DLGAP5: variants seen among roughly 807,000 people sequenced by gnomAD.
DLGAP5 encodes the protein DLG associated protein 5.
In DLGAP5, 90 loss-of-function variants were observed where a neutral mutation model predicts 99.6. The ratio of observed to expected loss-of-function variants is 0.90; its 90% CI spans 0.76 to 1.08. DLGAP5 has a LOEUF of 1.08. Ranked by LOEUF, DLGAP5 falls within the 50% of genes least tolerant of loss-of-function variation. The pLI is 0.00. For synonymous variants in DLGAP5, 311 were observed against 321.3 expected (o/e 0.97, Z 0.34); for missense variants, 1,036 against 983.5 (o/e 1.05, Z -0.71).
chr14:55,182,280 T>G, intron 4 of DLGAP5, 90 bp downstream of exon 4: 1 of 1,115,958 alleles, frequency 9.0e-7, no homozygotes, highest in Non-Finnish European at 1.3e-6. Context: ...AATCATTATG[T>G]TTGAATCTGA....
At chr14:55,176,730 G>A (rs962556460) in intron 8 of DLGAP5, among the ~76,000 whole-genome samples, 8 of 152,124 alleles carry the variant, frequency 5.3e-5, no homozygotes, top group East Asian at 3.9e-4. Flanking sequence ...TGTAATCCCA[G>A]CACTTTGGGA....
At chr14:55,150,227 AT>A (rs1881969517) in intron 18 of DLGAP5, 1 of 152,228 alleles carries the variant, frequency 6.6e-6, no homozygotes, top group Non-Finnish European at 1.5e-5. Flanking sequence ...CTTAAGTTAT[AT>A]TTTTGGAATG....
chr14:55,160,581 G>A (rs1472197531), intron 13 of DLGAP5, among the ~76,000 whole-genome samples: 4 of 151,774 alleles, frequency 2.6e-5, no homozygotes, highest in South Asian at 4.2e-4. Flanking sequence ...CTGAGTAGCT[G>A]GGATTACAGG....
chr14:55,154,934 G>A, intron 14 of DLGAP5, 128 bp from the exon 15 acceptor site: 1 of 767,960 alleles, frequency 1.3e-6, no homozygotes. Context: ...AAAGACAAAT[G>A]CCTGGGACTT....
intron 13 of DLGAP5, among the ~76,000 whole-genome samples, chr14:55,162,315 C>T (rs1882473839): frequency 6.6e-6 from 1 of 152,086 alleles, no homozygotes; most frequent in Admixed American, 6.6e-5. Context: ...TGTGTAAGTA[C>T]AGTTTAAAGA....
At chr14:55,170,818 A>C in intron 10 of DLGAP5, 31 bp from the exon 11 acceptor site, 1 of 1,566,412 alleles carries the variant, frequency 6.4e-7, no homozygotes, top group South Asian at 1.1e-5. Flanking sequence ...TCAGTTCTAC[A>C]AGTGGTTTTT....
At chr14:55,169,583 A>C (rs76187513) in intron 11 of DLGAP5, 24 bp from the exon 12 acceptor site, 1 of 1,561,442 alleles carries the variant, frequency 6.4e-7, no homozygotes, top group Admixed American at 2.1e-5. Context: ...GAGATTTTTT[A>C]AAATTAAAGG....
At chr14:55,185,795 C>T (rs1053399681) in intron 2 of DLGAP5, among the ~76,000 whole-genome samples, 2 of 152,206 alleles carry the variant, frequency 1.3e-5, no homozygotes, top group Non-Finnish European at 2.9e-5. Flanking sequence ...ATTTCCAACA[C>T]TCTTTACATT....
intron 1 of DLGAP5, 69 bp from the exon 2 acceptor site, chr14:55,189,249 C>T (rs1883531383): frequency 8.2e-7 from 1 of 1,221,866 alleles, no homozygotes; most frequent in Non-Finnish European, 1.2e-6. Flanking sequence ...GATTACAGTT[C>T]ATTTCCTGTC....
At chr14:55,165,825 T>C (rs768840919) in intron 12 of DLGAP5, among the ~76,000 whole-genome samples, 1 of 152,188 alleles carries the variant, frequency 6.6e-6, no homozygotes, top group Non-Finnish European at 1.5e-5. Context: ...AAATATCTTA[T>C]TGTACTATAC....
At chr14:55,149,625 C>A (rs190223469) in intron 18 of DLGAP5, among the ~76,000 whole-genome samples, 1 of 152,226 alleles carries the variant, frequency 6.6e-6, no homozygotes, top group East Asian at 1.9e-4. Context: ...AAAACCAAGA[C>A]CGTTTTCTGA....
At chr14:55,189,525 G>A (rs1384636389) in intron 1 of DLGAP5, among the ~76,000 whole-genome samples, 1 of 151,806 alleles carries the variant, frequency 6.6e-6, no homozygotes, top group East Asian at 1.9e-4. Context: ...GTACACAAGG[G>A]TTTCCTTACC....
At chr14:55,155,996 TAGG>T (rs1882205432) in intron 14 of DLGAP5, among the ~76,000 whole-genome samples, 1 of 150,694 alleles carries the variant, frequency 6.6e-6, no homozygotes, top group Admixed American at 6.6e-5. Context: ...GAGGCTGAGG[TAGG>T]AGAATGGCGT....
rs143827630 is a variant in DLGAP5, at chr14:55,167,563, T to C, written c.1548+1836A>G. 2.4e-3 allele frequency among the ~76,000 whole-genome samples: 372 copies of C among 152,278 alleles called. 3 individuals carry two copies. The highest frequency in any genetic ancestry group is 4.2e-3 in the Non-Finnish European group (289 of 68,016). On this transcript the variant is annotated intron_variant, in intron 12 of 18. Transcript: ENST00000247191. ...GGGTTTTGGTTTGGTTGAGACAGGG[T>C]CTCGCCTCTTTCTGGGAATGGAGCC...
intron 7 of DLGAP5, 124 bp downstream of exon 7, chr14:55,179,505 A>T: frequency 1.5e-6 from 1 of 656,670 alleles, no homozygotes; most frequent in South Asian, 2.7e-5. Context: ...CTTATGGTTC[A>T]GGAAGTTTTA....
rs1271250423 is a variant in DLGAP5 at position 55,165,541 on chromosome 14, A to C, written c.1549-2466T>G. Among the ~76,000 whole-genome samples, 8 of 150,940 alleles carry C rather than the reference A, an allele frequency of 5.3e-5. No individual in the cohort carries two copies. The East Asian group carries it at 1.2e-3, about 22-fold the overall frequency. ...CCTGACTTAAAAAACAAAAAAAAAA[A>C]CCCCAAAAAAACCCTACAATGAGAT... On this transcript the variant is annotated intron_variant, in intron 12 of 18. Coordinates refer to ENST00000247191, the MANE Select transcript of DLGAP5 (RefSeq NM_014750.5).
Position 55,175,357 on chromosome 14 carries a change from C to T in DLGAP5, c.1290G>A (p.Val430=), listed in dbSNP as rs1238249683. The T allele has an allele frequency of 1.2e-6, 2 of 1,609,010 alleles. No individual in the cohort carries two copies. Among genetic ancestry groups the T allele is most frequent in the Non-Finnish European group, 1.7e-6 (2 of 1,178,494 alleles). Residue 430 remains valine, a synonymous_variant, in exon 10 of 19, where the codon GTG becomes GTA. Coordinates refer to ENST00000247191, the MANE Select transcript of DLGAP5 (RefSeq NM_014750.5). ...EGRIAQPHHG[V]PYFRNILQSE... ...ACACACAGACATACCTGAAATATGGCACACCATGGTGGGGCTGAGCAATTC... is the reference window on the plus strand; with the variant it reads ...ACACACAGACATACCTGAAATATGGTACACCATGGTGGGGCTGAGCAATTC...
rs1459228928 is a variant in DLGAP5 at position 55,154,784 on chromosome 14, G to T, written c.1896C>A (p.Gly632=). 6.2e-7 allele frequency: 1 copy of T among 1,614,012 alleles called. No individual in the cohort carries two copies. Among genetic ancestry groups the T allele is most frequent in the South Asian group, 1.1e-5 (1 of 91,066 alleles). The change falls in exon 15 of 19, where the codon GGC becomes GGA. Residue 632 remains glycine, a synonymous_variant. Coordinates refer to ENST00000247191, the MANE Select transcript of DLGAP5 (RefSeq NM_014750.5). ...TAGGTGTTCCAAGTCTTTGAGAAGGGCCTTCAGAAGAGACAGAAAGTCCTA... is the reference window on the plus strand; with the variant it reads ...TAGGTGTTCCAAGTCTTTGAGAAGGTCCTTCAGAAGAGACAGAAAGTCCTA... The part of the protein sequence containing the change: ...LFSGLSVSSE[G]PSQRLGTPKS...
In DLGAP5 at chr14:55,154,636, A is replaced by G. The variant is rs199676521; in HGVS notation, c.2044T>C (p.Leu682=). Residue 682 remains leucine (L), a synonymous_variant, in exon 15 of 19, where the codon TTG becomes CTG. Transcript: ENST00000247191. The stretch of plus-strand genomic sequence containing the variant: ...AAATACCTGCTTTCAGGAATACTCA[A>G]AAACAAAGTCTTCTTCACATGTTCA... ...KSEHVKKTLF[L]SIPESRSSIE... 1.4e-4 allele frequency: 223 copies of G among 1,613,980 alleles called. No homozygotes were observed. Among genetic ancestry groups the G allele is most frequent in the Non-Finnish European group, 1.8e-4 (216 of 1,179,986 alleles).
Sources: allele counts gnomAD v4.1 joint callset (sites outside exome capture counted in the v4.1 genomes callset), GRCh38; gene constraint gnomAD v4.1.1; transcripts MANE v1.5; gene names NCBI Gene and HGNC (gene_info 2026-07-23, HGNC 2026-07-21).